The following CHST11 variants were observed in gnomAD, a reference collection of about 807,000 sequenced individuals.
CHST11 encodes the protein carbohydrate sulfotransferase 11, also known as C4S-1.
CHST11 carries 9 observed loss-of-function variants against 30.4 expected under a neutral mutation model. The observed-to-expected ratio is 0.30, with a 90% CI of 0.18 to 0.52. The LOEUF is 0.52. Ranked by LOEUF, CHST11 falls within the 20% of genes least tolerant of loss-of-function variation. The pLI, the probability that CHST11 is intolerant of heterozygous loss-of-function variation, is 0.97. For missense variants in CHST11, 348 were observed against 460.6 expected, an observed-to-expected ratio of 0.76 and a Z score of 2.24; for synonymous variants, 152 against 187.8, an observed-to-expected ratio of 0.81 and a Z score of 1.56.
chr12:104,567,650 A>G (rs186361742), intron 1 of CHST11, among the ~76,000 whole-genome samples: 10 of 152,220 alleles, frequency 6.6e-5, no homozygotes, highest in African/African-American at 2.2e-4. Flanking sequence ...TGTGTACCTG[A>G]CAATGTTGAG....
intron 2 of CHST11, 111 bp from the exon 3 acceptor site, chr12:104,756,838 C>A: frequency 7.7e-7 from 1 of 1,303,388 alleles, no homozygotes; most frequent in Non-Finnish European, 1.1e-6. Context: ...TGAGCCACTG[C>A]ACCCAGCTTA....
Position 104,626,697 on chromosome 12 carries a change from A to AT in CHST11, c.204+24717dup, listed in dbSNP as rs1018448780. On this transcript the variant is annotated intron_variant, in intron 2 of 2. Transcript: ENST00000303694. ...TGTGATTTGTTTTTTAATAGACTTG[A>AT]TTTTTTTTTTTAGAGCAGTTTTAGG... Among the ~76,000 whole-genome samples the AT allele has an allele frequency of 1.9e-3, 272 of 144,736 alleles. 1 individual carries two copies. The highest frequency in any genetic ancestry group is 5.5e-3 in the African/African-American group (217 of 39,448). 95.0% of individuals were successfully genotyped at this position (144,736 alleles called of 152,430 possible).
At chr12:104,627,914 T>C (rs2039232565) in intron 2 of CHST11, among the ~76,000 whole-genome samples, 1 of 152,184 alleles carries the variant, frequency 6.6e-6, no homozygotes, top group Non-Finnish European at 1.5e-5. Context: ...GAACACTCGC[T>C]CTGTGCTTTA....
At chr12:104,611,425 G>A (rs1478377383) in intron 2 of CHST11, among the ~76,000 whole-genome samples, 1 of 152,208 alleles carries the variant, frequency 6.6e-6, no homozygotes, top group Non-Finnish European at 1.5e-5. Flanking sequence ...TCCTGCCCAT[G>A]TTATGACACT....
intron 2 of CHST11, among the ~76,000 whole-genome samples, chr12:104,702,083 G>A (rs551547693): frequency 8.5e-5 from 13 of 152,050 alleles, no homozygotes; most frequent in South Asian, 6.2e-4. Flanking sequence ...GAAGCAGGCC[G>A]AGAGACTCTG....
chr12:104,691,619 C>T (rs1279195096), intron 2 of CHST11, among the ~76,000 whole-genome samples: 4 of 151,886 alleles, frequency 2.6e-5, no homozygotes, highest in African/African-American at 9.7e-5. Flanking sequence ...TCCCAAGTAG[C>T]TGGGATTACA....
chr12:104,475,658 T>TTTTATATATATATA lies in CHST11; in HGVS notation c.118+18130_118+18131insTTATATATATATAT, dbSNP rs770441229. On this transcript the variant is annotated intron_variant, in intron 1 of 2. Transcript: ENST00000303694. ...TATGATGCCTCAGAGTAAAGCAGCA[T>TTTTATATATATATA]TATATATATATATATATATATATAT... 1.6e-3 allele frequency among the ~76,000 whole-genome samples: 55 copies of TTTTATATATATATA among 34,158 alleles called. 2 individuals are homozygous for TTTTATATATATATA. The highest frequency in any genetic ancestry group is 6.9e-3 in the East Asian group (7 of 1,018). The allele number at this position is 34,158 out of a possible 152,430, so 22.4% of individuals were successfully genotyped here.
chr12:104,725,840 A>T (rs976179888), intron 2 of CHST11, among the ~76,000 whole-genome samples: 2 of 152,118 alleles, frequency 1.3e-5, no homozygotes, highest in Admixed American at 6.5e-5. Context: ...GGGCAGGTTC[A>T]TCACTCACCA....
At chr12:104,472,618 A>C (rs1593953407) in intron 1 of CHST11, among the ~76,000 whole-genome samples, 1 of 152,220 alleles carries the variant, frequency 6.6e-6, no homozygotes, top group Admixed American at 6.5e-5. Flanking sequence ...AAATGGTTCT[A>C]ATACCAACGT....
At chr12:104,568,794 A>G (rs1343618181) in intron 1 of CHST11, among the ~76,000 whole-genome samples, 1 of 152,230 alleles carries the variant, frequency 6.6e-6, no homozygotes, top group African/African-American at 2.4e-5. Flanking sequence ...ATCCAATCCC[A>G]GGCAATATGG....
chr12:104,598,179 T>C (rs1335496501), intron 1 of CHST11, among the ~76,000 whole-genome samples: 3 of 152,178 alleles, frequency 2.0e-5, no homozygotes, highest in Admixed American at 6.5e-5. Flanking sequence ...ATGTGCATAA[T>C]TGCTGGTCCT....
At chr12:104,476,772 T>C (rs2037567145) in intron 1 of CHST11, among the ~76,000 whole-genome samples, 1 of 151,824 alleles carries the variant, frequency 6.6e-6, no homozygotes, top group African/African-American at 2.4e-5. Flanking sequence ...GCTCCTTTGA[T>C]TAAGCTGTCA....
In CHST11 at chr12:104,588,120, A is replaced by G. The variant is rs77205248; in HGVS notation, c.119-13786A>G. On this transcript the variant is annotated intron_variant, in intron 1 of 2. Coordinates refer to ENST00000303694, the MANE Select transcript of CHST11 (RefSeq NM_018413.6). The stretch of plus-strand genomic sequence containing the variant: ...GAAATACTATTTACATGTAAAATTC[A>G]CCCACTTTAAGTGTAGAATTCAATG... 5.3e-3 allele frequency among the ~76,000 whole-genome samples: 814 copies of G among 152,294 alleles called. 10 individuals carry two copies. Among genetic ancestry groups the G allele is most frequent in the African/African-American group, 0.019 (791 of 41,558 alleles).
At chr12:104,503,031 G>A (rs1346398841) in intron 1 of CHST11, among the ~76,000 whole-genome samples, 1 of 152,224 alleles carries the variant, frequency 6.6e-6, no homozygotes, top group African/African-American at 2.4e-5. Context: ...ACTTTGTGTA[G>A]CAAAGTCTTA....
At chr12:104,664,236 G>A (rs543004798) in intron 2 of CHST11, among the ~76,000 whole-genome samples, 15 of 152,182 alleles carry the variant, frequency 9.9e-5, no homozygotes, top group African/African-American at 2.9e-4. Flanking sequence ...GTGAAGCGGC[G>A]GGAACATTTT....
intron 2 of CHST11, among the ~76,000 whole-genome samples, chr12:104,656,043 G>A (rs116552772): frequency 6.6e-6 from 1 of 152,200 alleles, no homozygotes; most frequent in East Asian, 1.9e-4. Flanking sequence ...TAAGCAAGAC[G>A]AAAGGGGTAG....
chr12:104,734,854 A>G (rs312168), intron 2 of CHST11, among the ~76,000 whole-genome samples: 75,557 of 152,014 alleles, frequency 0.5, 18,922 homozygotes, highest in East Asian at 0.65. Context: ...AGGGTTTGGG[A>G]TGCTTAGACA....
intron 1 of CHST11, among the ~76,000 whole-genome samples, chr12:104,538,012 A>G (rs1021337290): frequency 1.3e-5 from 2 of 152,202 alleles, no homozygotes; most frequent in African/African-American, 4.8e-5. Context: ...TTACATTAGT[A>G]TGGTACATTT....
At chr12:104,606,686 C>T (rs916554820) in intron 2 of CHST11, among the ~76,000 whole-genome samples, 7 of 152,128 alleles carry the variant, frequency 4.6e-5, no homozygotes, top group East Asian at 1.9e-4. Context: ...GTGACTCAAG[C>T]GAGACCTGAG....
Sources: allele counts gnomAD v4.1 joint callset (sites outside exome capture counted in the v4.1 genomes callset), GRCh38; gene constraint gnomAD v4.1.1; transcripts MANE v1.5; gene names NCBI Gene and HGNC (gene_info 2026-07-23, HGNC 2026-07-21).